The following ZDHHC1 variants were observed in gnomAD, a reference collection of about 807,000 sequenced individuals.
ZDHHC1 encodes zDHHC palmitoyltransferase 1.
Under a neutral mutation model 46.9 loss-of-function variants are expected in ZDHHC1, and 45 were observed. That is an observed-to-expected ratio of 0.96 (90% confidence interval 0.76 to 1.23). The LOEUF (loss-of-function observed/expected upper bound fraction) is 1.23, where lower values mean the gene tolerates loss of function less well. ZDHHC1 is among the 50% of genes most tolerant of loss of function. The pLI, the probability that ZDHHC1 is intolerant of heterozygous loss-of-function variation, is 0.00. For missense variants in ZDHHC1, 649 were observed against 670.8 expected (o/e 0.97, Z 0.36); for synonymous variants, 291 against 286.0 (o/e 1.02, Z -0.18).
intron 7 of ZDHHC1, 87 bp downstream of exon 7, chr16:67,398,486 T>A (rs2040477078): frequency 6.5e-7 from 1 of 1,533,648 alleles, no homozygotes; most frequent in Non-Finnish European, 8.7e-7. Context: ...GGCAGGGGCA[T>A]GGTTTCAGGG....
chr16:67,411,894 C>T (rs1031270804), intron 1 of ZDHHC1, among the ~76,000 whole-genome samples: 1 of 152,190 alleles, frequency 6.6e-6, no homozygotes. Context: ...GGGCAGATCA[C>T]TTGAGGTCAG....
chr16:67,395,587 G>C, intron 8 of ZDHHC1, 21 bp from the exon 9 acceptor site: 1 of 1,550,762 alleles, frequency 6.4e-7, no homozygotes, highest in Non-Finnish European at 8.7e-7. Context: ...TGGAAGTCAA[G>C]GAGGCTGGGA....
At chr16:67,395,419 C>A in intron 9 of ZDHHC1, 65 bp downstream of exon 9, 1 of 1,545,782 alleles carries the variant, frequency 6.5e-7, no homozygotes, top group Non-Finnish European at 8.7e-7. Context: ...CCCCCTTCTC[C>A]TGCCTCGATG....
intron 1 of ZDHHC1, among the ~76,000 whole-genome samples, chr16:67,413,258 T>C (rs2040779601): frequency 6.6e-6 from 1 of 152,188 alleles, no homozygotes; most frequent in South Asian, 2.1e-4. Context: ...AGATTTTCTA[T>C]CTATGAGTAT....
rs1241365694 is a variant in ZDHHC1 at position 67,407,802 on chromosome 16, A to G, written c.-27T>C. 3 of 780,726 alleles carry G rather than the reference A, an allele frequency of 3.8e-6. No individual in the cohort carries two copies. The highest frequency in any genetic ancestry group is 7.2e-6 in the Non-Finnish European group (3 of 417,944). 48.4% of individuals were successfully genotyped at this position (780,726 alleles called of 1,614,324 possible). A position where few individuals can be genotyped will look rare whatever the true frequency, so the allele number is the denominator to read the frequency against. ...GTAGATCCTCAGTAAATGTTTGCTG[A>G]CTTGAAAACAGCTGAAATAAAAGGA... On this transcript the variant is annotated 5_prime_UTR_variant, in exon 2 of 12. Transcript: ENST00000565726.
chr16:67,406,164 C>G lies in ZDHHC1; in HGVS notation c.252+36G>C. On this transcript the variant is annotated intron_variant, in intron 3 of 11. Transcript: ENST00000565726. This position sits in a 1 kb window ranked among gnomAD's most constrained non-coding sequence, Gnocchi z 4.1. ...GTGCCAGCCATCCTTTGCCTCCCCACTTCCACACACCAGCCCTACGCTTTC... is the reference window on the plus strand; with the variant it reads ...GTGCCAGCCATCCTTTGCCTCCCCAGTTCCACACACCAGCCCTACGCTTTC... The G allele has an allele frequency of 6.3e-7, 1 of 1,597,598 alleles. No individual in the cohort carries two copies. Among genetic ancestry groups the G allele is most frequent in the Non-Finnish European group, 8.5e-7 (1 of 1,169,630 alleles).
At chr16:67,407,648 T>C (rs886574475) in intron 2 of ZDHHC1, 119 bp downstream of exon 2, 4 of 736,878 alleles carry the variant, frequency 5.4e-6, no homozygotes, top group African/African-American at 5.2e-5. Context: ...TTGGGACGCT[T>C]TGCAATCCTC....
chr16:67,400,902 T>C, intron 4 of ZDHHC1, 55 bp downstream of exon 4: 1 of 1,583,158 alleles, frequency 6.3e-7, no homozygotes, highest in Non-Finnish European at 8.6e-7. Flanking sequence ...GCACCCCCTC[T>C]CCACCATACA....
chr16:67,399,261 A>T, intron 5 of ZDHHC1, 94 bp downstream of exon 5: 1 of 1,180,560 alleles, frequency 8.5e-7, no homozygotes, highest in Non-Finnish European at 1.2e-6. Context: ...AAGCATCCCC[A>T]TCCCCGCCCG....
chr16:67,398,593 A>G lies in ZDHHC1; in HGVS notation c.794T>C (p.Leu265Pro). 4.4e-6 allele frequency: 7 copies of G among 1,603,990 alleles called. No individual in the cohort carries two copies. Among genetic ancestry groups the G allele is most frequent in the Non-Finnish European group, 5.9e-6 (7 of 1,176,742 alleles). ...LLSTALLGHL[L>P]CFHIYLMWHK... ...CTTACTGAGATAAATGTGGAAGCAG[A>G]GCAGGTGCCCCAGGAGGGCTGTGGA... Residue 265 changes from leucine (L) to proline (P), a missense_variant, in exon 7 of 12, where the codon CTC (leucine) becomes CCC (proline). Coordinates refer to ENST00000565726, the MANE Select transcript of ZDHHC1 (RefSeq NM_001323627.2).
intron 4 of ZDHHC1, 145 bp downstream of exon 4, chr16:67,400,812 A>G: frequency 1.1e-6 from 1 of 906,168 alleles, no homozygotes; most frequent in Non-Finnish European, 1.7e-6. Flanking sequence ...CAGTAACCCA[A>G]TACTCTGTCA....
chr16:67,416,422 G>GCT lies in ZDHHC1; in HGVS notation c.-291_-290insAG. On this transcript the variant is annotated 5_prime_UTR_variant, in exon 1 of 12. Transcript: ENST00000565726. ...GGCTCCGGCTCCGGCTCCGGCTCCAGCAGGCTGGAGGGGCGGCCAGGCCAG... is the reference window on the plus strand; with the variant it reads ...GGCTCCGGCTCCGGCTCCGGCTCCAGCTCAGGCTGGAGGGGCGGCCAGGCCAG... The GCT allele has an allele frequency of 4.7e-6, 1 of 210,538 alleles. No individual in the cohort carries two copies. Among genetic ancestry groups the GCT allele is most frequent in the Non-Finnish European group, 9.7e-6 (1 of 102,906 alleles). The allele number at this position is 210,538 out of a possible 1,614,324, so 13.0% of individuals were successfully genotyped here. A position where few individuals can be genotyped will look rare whatever the true frequency, so the allele number is the denominator to read the frequency against.
At chr16:67,413,245 G>A (rs1255775962) in intron 1 of ZDHHC1, among the ~76,000 whole-genome samples, 6 of 152,066 alleles carry the variant, frequency 3.9e-5, no homozygotes, top group South Asian at 2.1e-4. Context: ...GTGCCCAGTC[G>A]GGAGATTTTC....
chr16:67,398,537 C>G (rs748659722), intron 7 of ZDHHC1, 36 bp downstream of exon 7: 3 of 1,566,116 alleles, frequency 1.9e-6, no homozygotes, highest in Non-Finnish European at 2.6e-6. Flanking sequence ...TCTGAGGACC[C>G]CTGCGTTCCA....
chr16:67,414,949 C>T (rs2040808964), intron 1 of ZDHHC1, among the ~76,000 whole-genome samples: 1 of 152,048 alleles, frequency 6.6e-6, no homozygotes, highest in African/African-American at 2.4e-5. Context: ...CCAGCCTGGC[C>T]AACATGTTGA....
chr16:67,414,924 G>A (rs2040808310), intron 1 of ZDHHC1, among the ~76,000 whole-genome samples: 1 of 152,158 alleles, frequency 6.6e-6, no homozygotes, highest in South Asian at 2.1e-4. Flanking sequence ...ATCACCTGAG[G>A]TCAGGAGTTC....
rs768502710 is a variant in ZDHHC1, at chr16:67,398,588, A to T, written c.799T>A (p.Phe267Ile). The T allele has an allele frequency of 3.7e-6, 6 of 1,602,598 alleles. No homozygotes were observed. In the African/African-American group the frequency reaches 8.0e-5, roughly 21 times the overall value. ...AGGCACTTACTGAGATAAATGTGGA[A>T]GCAGAGCAGGTGCCCCAGGAGGGCT... ...STALLGHLLCFHIYLMWHKLT... is the reference protein window; with the variant it reads ...STALLGHLLCIHIYLMWHKLT... The change falls in exon 7 of 12, where the codon TTC becomes ATC. Residue 267 changes from phenylalanine (F) to isoleucine (I), a missense_variant. Transcript: ENST00000565726.
chr16:67,394,811 G>GAT lies in ZDHHC1; in HGVS notation c.1247_1248insAT (p.Ala417SerfsTer49). 6.6e-7 allele frequency: 1 copy of GAT among 1,523,612 alleles called. No individual in the cohort carries two copies. Among genetic ancestry groups the GAT allele is most frequent in the Admixed American group, 2.0e-5 (1 of 48,872 alleles). 94.4% of individuals were successfully genotyped at this position (1,523,612 alleles called of 1,614,324 possible). A position where few individuals can be genotyped will look rare whatever the true frequency, so the allele number is the denominator to read the frequency against. On this transcript the variant is annotated frameshift_variant, in exon 12 of 12. Transcript: ENST00000565726. LOFTEE classifies it low-confidence loss of function (END_TRUNC). ...ACTCTGCCGACGCCGAGTGGTAGGCGCCGGCAGGGCCAGCGGCGTGCACAG... is the reference window on the plus strand; with the variant it reads ...ACTCTGCCGACGCCGAGTGGTAGGCGATCCGGCAGGGCCAGCGGCGTGCACAG...
chr16:67,406,132 C>T lies in ZDHHC1; in HGVS notation c.252+68G>A. 3.9e-6 allele frequency: 6 copies of T among 1,544,156 alleles called. No homozygotes were observed. The highest frequency in any genetic ancestry group is 5.2e-6 in the Non-Finnish European group (6 of 1,143,372). On this transcript the variant is annotated intron_variant, in intron 3 of 11. Transcript: ENST00000565726. The surrounding 1 kb of genome is among the most constrained non-coding windows in gnomAD (Gnocchi z 4.1). ...CAAGGCTCTCAACCCGGCTTTGGGC[C>T]TCCGCTGTGCCAGCCATCCTTTGCC...
Sources: allele counts gnomAD v4.1 joint callset (sites outside exome capture counted in the v4.1 genomes callset), GRCh38; gene constraint gnomAD v4.1.1; non-coding constraint Gnocchi (gnomAD v3.1); transcripts MANE v1.5; gene names NCBI Gene and HGNC (gene_info 2026-07-23, HGNC 2026-07-21).